The following DACH2 variants were observed in gnomAD, a reference collection of about 807,000 sequenced individuals.
DACH2 encodes the protein dachshund homolog 2.
Under a neutral mutation model 35.8 loss-of-function variants are expected in DACH2, and 17 were observed. The observed-to-expected ratio is 0.48, with a 90% CI of 0.33 to 0.71. The LOEUF is 0.71. Among genes scored for constraint, DACH2 ranks in the 30% least tolerant of loss-of-function variants. The pLI is 0.02. For synonymous variants in DACH2, 195 were observed against 177.3 expected, an observed-to-expected ratio of 1.10 and a Z score of -0.79; for missense variants, 469 against 472.7, an observed-to-expected ratio of 0.99 and a Z score of 0.07.
intron 1 of DACH2, among the ~76,000 whole-genome samples, chrX:86,281,770 A>T (rs1051864653): frequency 8.9e-6 from 1 of 112,187 alleles, no homozygotes; most frequent in Admixed American, 9.5e-5. Flanking sequence ...TCAGCCCAAA[A>T]TCTCTTTAAG....
At chrX:86,517,043 G>A (rs2038479453) in intron 3 of DACH2, among the ~76,000 whole-genome samples, 1 of 111,332 alleles carries the variant, frequency 9.0e-6, no homozygotes, top group African/African-American at 3.3e-5. Context: ...CTTTATCATA[G>A]CATGATATAT....
chrX:86,659,539 TC>T (rs1220982144), intron 4 of DACH2, among the ~76,000 whole-genome samples: 1 of 111,409 alleles, frequency 9.0e-6, no homozygotes, highest in Non-Finnish European at 1.9e-5. Flanking sequence ...ATCTTCCTAG[TC>T]CTCCACCTTC....
chrX:86,715,966 A>T (rs1474607915), intron 6 of DACH2, among the ~76,000 whole-genome samples: 1 of 112,070 alleles, frequency 8.9e-6, no homozygotes, highest in Non-Finnish European at 1.9e-5. Context: ...ATCAGCTTGT[A>T]ATTTTGGAGC....
At chrX:86,452,023 G>A (rs1473527134) in intron 2 of DACH2, among the ~76,000 whole-genome samples, 1 of 111,514 alleles carries the variant, frequency 9.0e-6, no homozygotes, top group African/African-American at 3.3e-5. Context: ...TTTATTTAGA[G>A]TTTTTAACAT....
At chrX:86,758,698 C>T (rs1482128781) in intron 7 of DACH2, among the ~76,000 whole-genome samples, 1 of 112,141 alleles carries the variant, frequency 8.9e-6, no homozygotes, top group Non-Finnish European at 1.9e-5. Flanking sequence ...AATATGCATT[C>T]TGTAATTGTT....
intron 3 of DACH2, among the ~76,000 whole-genome samples, chrX:86,587,095 G>T: frequency 9.0e-6 from 1 of 111,586 alleles, no homozygotes; most frequent in South Asian, 3.7e-4. Context: ...TCTTTGAGCA[G>T]TGTTTTGTAA....
In DACH2 at chrX:86,148,855, G is replaced by T. The variant is rs762590057; in HGVS notation, c.235G>T (p.Ala79Ser). 1 of 1,209,615 alleles carries T rather than the reference G, an allele frequency of 8.3e-7. No individual in the cohort carries two copies. Among genetic ancestry groups the T allele is most frequent in the African/African-American group, 1.8e-5 (1 of 57,024 alleles). ...RMVDMHGMKV[A>S]SFLMDGQELI... ...GGTCGACATGCACGGGATGAAGGTG[G>T]CTTCGTTCCTGATGGACGGCCAGGA... Residue 79 changes from alanine to serine, a missense_variant, in exon 1 of 12, where the codon GCT becomes TCT. This residue lies in a region of DACH2 where 99 missense variants were observed against 114.3 expected (regional missense o/e 0.87). Coordinates refer to ENST00000373125, the MANE Select transcript of DACH2 (RefSeq NM_053281.3).
chrX:86,286,909 C>A (rs1458639456), intron 1 of DACH2, among the ~76,000 whole-genome samples: 1 of 111,902 alleles, frequency 8.9e-6, no homozygotes, highest in Non-Finnish European at 1.9e-5. Flanking sequence ...CATTTACACA[C>A]CACAGTTACT....
intron 3 of DACH2, among the ~76,000 whole-genome samples, chrX:86,632,494 GCACACACA>G (rs3041616): frequency 2.3e-4 from 22 of 95,974 alleles, no homozygotes; most frequent in South Asian, 1.5e-3. Context: ...TCATACACAT[GCACACACA>G]CACACACACA....
intron 4 of DACH2, among the ~76,000 whole-genome samples, chrX:86,665,750 A>G (rs770286629): frequency 1.1e-5 from 1 of 89,311 alleles, no homozygotes; most frequent in African/African-American, 4.3e-5. Context: ...TGAGGGTTCA[A>G]TTTAAAATTA....
At chrX:86,445,904 G>C (rs2037264313) in intron 2 of DACH2, among the ~76,000 whole-genome samples, 1 of 111,434 alleles carries the variant, frequency 9.0e-6, no homozygotes, top group Admixed American at 9.6e-5. Flanking sequence ...ATGTTTCTTT[G>C]TTGGTTTTCT....
intron 7 of DACH2, among the ~76,000 whole-genome samples, chrX:86,812,307 TTAACTGTAAA>T (rs1240439641): frequency 1.8e-5 from 2 of 111,453 alleles, no homozygotes; most frequent in Non-Finnish European, 3.8e-5. Flanking sequence ...GGAAAGAAGA[TTAACTGTAAA>T]TGGACATGAG....
At chrX:86,692,851 T>C (rs1483552815) in intron 4 of DACH2, among the ~76,000 whole-genome samples, 2 of 112,126 alleles carry the variant, frequency 1.8e-5, no homozygotes, top group Non-Finnish European at 3.8e-5. Flanking sequence ...AATTTTTGCA[T>C]TTTCTGGTAT....
chrX:86,361,629 T>C (rs1467468690), intron 1 of DACH2, among the ~76,000 whole-genome samples: 4 of 111,979 alleles, frequency 3.6e-5, no homozygotes, highest in Non-Finnish European at 7.5e-5. Context: ...TAAGACTTTA[T>C]AATACATTTT....
At chrX:86,574,793 T>C (rs963799737) in intron 3 of DACH2, among the ~76,000 whole-genome samples, 2 of 111,588 alleles carry the variant, frequency 1.8e-5, no homozygotes, top group African/African-American at 6.5e-5. Context: ...CAGAATATTT[T>C]AGGTTCAATT....
intron 6 of DACH2, among the ~76,000 whole-genome samples, chrX:86,715,880 AATAG>A (rs1289213719): frequency 7.2e-5 from 8 of 111,706 alleles, no homozygotes; most frequent in Non-Finnish European, 1.9e-5. Flanking sequence ...ATATGATTGT[AATAG>A]ATAGGCATGG....
rs936670955 is a variant in DACH2, at chrX:86,295,831, T to A, written c.489-80993T>A. On this transcript the variant is annotated intron_variant, in intron 1 of 11. Transcript: ENST00000373125. ...GGAGGGGTGGCATCAGAGAACAAGA[T>A]TTTTTTTTTGTACTTCTTCAGTGCC... 5.0e-5 allele frequency among the ~76,000 whole-genome samples: 5 copies of A among 99,796 alleles called. No homozygotes were observed. In the East Asian group the frequency reaches 1.5e-3, roughly 30 times the overall value. 86.7% of individuals were successfully genotyped at this position (99,796 alleles called of 115,157 possible).
At chrX:86,830,363 T>C (rs918164242) in intron 11 of DACH2, 9 of 111,665 alleles carry the variant, frequency 8.1e-5, no homozygotes, top group African/African-American at 2.9e-4. Flanking sequence ...GTCCTCAAAA[T>C]TGGGAGAAAA....
At chrX:86,179,526 C>T (rs971770712) in intron 1 of DACH2, among the ~76,000 whole-genome samples, 4 of 111,821 alleles carry the variant, frequency 3.6e-5, no homozygotes, top group Non-Finnish European at 5.7e-5. Flanking sequence ...ATGTATTTGA[C>T]ACAAGAAGAG....
Sources: gnomAD v4.1 joint callset for allele counts (sites outside exome capture counted in the v4.1 genomes callset) on GRCh38, gnomAD v4.1.1 for gene constraint, gnomAD v4.1.1 regional missense constraint, MANE v1.5 for transcripts, NCBI Gene and HGNC (gene_info 2026-07-23, HGNC 2026-07-21) for gene names.